Variants in PLCB4 observed in about 807,000 individuals in gnomAD.
PLCB4 encodes phospholipase C beta 4, also known as 1-phosphatidylinositol 4,5-bisphosphate phosphodiesterase beta-4.
A neutral mutation model predicts 178.8 loss-of-function variants in PLCB4; 77 were observed. The observed-to-expected ratio is 0.43, with a 90% CI of 0.36 to 0.52. The LOEUF is 0.52. Ranked by LOEUF, PLCB4 falls within the 20% of genes least tolerant of loss-of-function variation. The pLI, the probability that PLCB4 is intolerant of heterozygous loss-of-function variation, is 0.00. For missense variants in PLCB4, 1,024 were observed against 1,453.4 expected (o/e 0.70, Z 4.80); for synonymous variants, 496 against 490.8 (o/e 1.01, Z -0.14).
intron 8 of PLCB4, among the ~76,000 whole-genome samples, chr20:9,363,229 T>C (rs1325678600): frequency 6.6e-6 from 1 of 152,202 alleles, no homozygotes; most frequent in Non-Finnish European, 1.5e-5. Context: ...TCAGTCACTC[T>C]GTATGCTGTC....
At chr20:9,104,562 GCT>G (rs1468797645) in intron 2 of PLCB4, among the ~76,000 whole-genome samples, 1 of 152,106 alleles carries the variant, frequency 6.6e-6, no homozygotes, top group Admixed American at 6.6e-5. Context: ...CTAGAACATA[GCT>G]CTGTTTGTCC....
intron 2 of PLCB4, among the ~76,000 whole-genome samples, chr20:9,158,577 G>A (rs753839503): frequency 2.8e-3 from 377 of 133,434 alleles, no homozygotes; most frequent in Non-Finnish European, 4.9e-3. Flanking sequence ...CCACTCTCAC[G>A]TTTTTTTTTT....
intron 2 of PLCB4, among the ~76,000 whole-genome samples, chr20:9,122,186 G>A (rs982369188): frequency 5.3e-5 from 8 of 152,026 alleles, no homozygotes; most frequent in African/African-American, 1.9e-4. Flanking sequence ...GGTGCTTGTC[G>A]TAGATAACTC....
intron 3 of PLCB4, among the ~76,000 whole-genome samples, chr20:9,285,824 C>T (rs925419592): frequency 3.3e-5 from 5 of 151,966 alleles, no homozygotes; most frequent in Non-Finnish European, 1.5e-5. Flanking sequence ...AGACCAGGGT[C>T]AAGGCCAGCA....
At chr20:9,426,951 G>A (rs766765199) in intron 28 of PLCB4, among the ~76,000 whole-genome samples, 3 of 151,984 alleles carry the variant, frequency 2.0e-5, no homozygotes, top group African/African-American at 4.8e-5. Flanking sequence ...CTGGCCAGGC[G>A]CGGTGGCTCA....
intron 2 of PLCB4, among the ~76,000 whole-genome samples, chr20:9,149,837 C>T (rs796232364): frequency 6.6e-5 from 10 of 152,288 alleles, no homozygotes; most frequent in African/African-American, 2.2e-4. Context: ...TTCTCAAATA[C>T]TCTTCAGATT....
At chr20:9,179,015 C>A (rs1323178948) in intron 2 of PLCB4, among the ~76,000 whole-genome samples, 1 of 151,956 alleles carries the variant, frequency 6.6e-6, no homozygotes, top group Admixed American at 6.6e-5. Context: ...TCTTTAACAA[C>A]CCTTTTGAAC....
chr20:9,174,876 A>T (rs925075179), intron 2 of PLCB4, among the ~76,000 whole-genome samples: 1 of 152,066 alleles, frequency 6.6e-6, no homozygotes, highest in African/African-American at 2.4e-5. Flanking sequence ...ATTGAGAAAA[A>T]CTCATCTATC....
intron 1 of PLCB4, among the ~76,000 whole-genome samples, chr20:9,086,336 C>T (rs1175860453): frequency 6.6e-6 from 1 of 152,010 alleles, no homozygotes; most frequent in Non-Finnish European, 1.5e-5. Context: ...TTGTGAAGGT[C>T]AGGAACTCCT....
intron 2 of PLCB4, among the ~76,000 whole-genome samples, chr20:9,108,542 G>T (rs1440362507): frequency 6.6e-6 from 1 of 151,950 alleles, no homozygotes; most frequent in Non-Finnish European, 1.5e-5. Flanking sequence ...CAACATGTCA[G>T]CTTGAATTCC....
At chr20:9,266,916 A>G (rs973237197) in intron 3 of PLCB4, among the ~76,000 whole-genome samples, 21 of 152,176 alleles carry the variant, frequency 1.4e-4, no homozygotes, top group Admixed American at 5.2e-4. Flanking sequence ...ATCCTTAAGG[A>G]TCTGCAGAAG....
intron 2 of PLCB4, among the ~76,000 whole-genome samples, chr20:9,133,274 TTTG>T (rs777339102): frequency 6.6e-5 from 10 of 152,142 alleles, no homozygotes; most frequent in Non-Finnish European, 1.3e-4. Flanking sequence ...ATTACTTTTT[TTTG>T]TTGTTGTTGA....
chr20:9,180,772 G>A (rs1285851813), intron 2 of PLCB4, among the ~76,000 whole-genome samples: 2 of 152,066 alleles, frequency 1.3e-5, no homozygotes, highest in Non-Finnish European at 2.9e-5. Flanking sequence ...GCAAGAAAAA[G>A]CTCCTCAGAT....
chr20:9,349,451 A>T (rs2034131100), intron 7 of PLCB4, among the ~76,000 whole-genome samples: 1 of 152,220 alleles, frequency 6.6e-6, no homozygotes, highest in Non-Finnish European at 1.5e-5. Flanking sequence ...CTTAGGTTTC[A>T]ATGTAACCGC....
intron 34 of PLCB4, among the ~76,000 whole-genome samples, chr20:9,459,112 G>A (rs1568883804): frequency 6.6e-6 from 1 of 152,266 alleles, no homozygotes; most frequent in Admixed American, 6.5e-5. Flanking sequence ...GGGAGGCCGA[G>A]GCAGGTGGAT....
At chr20:9,454,391 C>A (rs1157909761) in intron 33 of PLCB4, among the ~76,000 whole-genome samples, 1 of 152,154 alleles carries the variant, frequency 6.6e-6, no homozygotes, top group African/African-American at 2.4e-5. Context: ...TGAGACCACG[C>A]ATACATTCTA....
At chr20:9,385,384 C>T (rs1383780604) in intron 14 of PLCB4, among the ~76,000 whole-genome samples, 1 of 151,996 alleles carries the variant, frequency 6.6e-6, no homozygotes, top group African/African-American at 2.4e-5. Context: ...CCTCACCTCC[C>T]AGATGATGGG....
chr20:9,221,060 G>A (rs80311727), intron 3 of PLCB4, among the ~76,000 whole-genome samples: 5,197 of 152,198 alleles, frequency 0.034, 316 homozygotes, highest in African/African-American at 0.12. Context: ...GAGGATTTCT[G>A]CACAAGTGGT....
intron 3 of PLCB4, among the ~76,000 whole-genome samples, chr20:9,275,353 C>G (rs1298729990): frequency 6.6e-6 from 1 of 152,026 alleles, no homozygotes; most frequent in Non-Finnish European, 1.5e-5. Flanking sequence ...CACTGGGTCC[C>G]TCCCACAACA....
Sources: allele counts gnomAD v4.1 joint callset (sites outside exome capture counted in the v4.1 genomes callset), GRCh38; gene constraint gnomAD v4.1.1; transcripts MANE v1.5; gene names NCBI Gene and HGNC (gene_info 2026-07-23, HGNC 2026-07-21).